HEATR4: variants seen among roughly 807,000 people sequenced by gnomAD.
HEATR4 encodes HEAT repeat-containing protein 4.
Under a neutral mutation model 108.8 loss-of-function variants are expected in HEATR4, and 95 were observed. The ratio of observed to expected loss-of-function variants is 0.87; its 90% CI spans 0.74 to 1.04. The LOEUF (loss-of-function observed/expected upper bound fraction) is 1.04, where lower values mean the gene tolerates loss of function less well. Ranked by LOEUF, HEATR4 falls within the 50% of genes least tolerant of loss-of-function variation. The pLI is 0.00. For synonymous variants in HEATR4, 443 were observed against 459.4 expected (o/e 0.96, Z 0.46); for missense variants, 1,152 against 1,253.8 (o/e 0.92, Z 1.23).
At chr14:73,565,178 G>A in the HEATR4 span, among the ~76,000 whole-genome samples, 11 of 152,122 alleles carry the variant, frequency 7.2e-5, no homozygotes, top group Middle Eastern at 3.4e-3. Flanking sequence ...ATTCCTAGAC[G>A]TGGAGCTGAG....
Position 73,478,579 on chromosome 14 carries a change from C to A in HEATR4, c.*27G>T, listed in dbSNP as rs1326831366. 6 of 1,483,280 alleles carry A rather than the reference C, an allele frequency of 4.0e-6. No individual in the cohort carries two copies. The highest frequency in any genetic ancestry group is 5.6e-6 in the Non-Finnish European group (6 of 1,063,806). 91.9% of individuals were successfully genotyped at this position (1,483,280 alleles called of 1,614,324 possible). The stretch of plus-strand genomic sequence containing the variant: ...ATGTGACCAGGTCCACTGCTTCCTG[C>A]ATCTTGAAGTAAGACAAGTGTTCAG... On this transcript the variant is annotated 3_prime_UTR_variant, in exon 18 of 18. Coordinates refer to ENST00000553558, the MANE Select transcript of HEATR4 (RefSeq NM_001220484.1).
the HEATR4 span, among the ~76,000 whole-genome samples, chr14:73,565,660 G>A: frequency 2.0e-5 from 3 of 151,946 alleles, no homozygotes; most frequent in East Asian, 1.9e-4. Flanking sequence ...GCGGACCTTC[G>A]TGGTGAGTGT....
At chr14:73,563,773 G>A (rs1050661173), upstream of HEATR4, among the ~76,000 whole-genome samples, 5 of 151,786 alleles carry the variant, frequency 3.3e-5, no homozygotes, top group Admixed American at 2.0e-4. Context: ...ACCAGTCTGG[G>A]CAACATAGCA....
At chr14:73,560,438 G>A (rs1889507110), upstream of HEATR4, among the ~76,000 whole-genome samples, 1 of 151,906 alleles carries the variant, frequency 6.6e-6, no homozygotes, top group African/African-American at 2.4e-5. Context: ...CAAGTTGGGC[G>A]GATCACGAGG....
the HEATR4 span, among the ~76,000 whole-genome samples, chr14:73,621,771 T>C: frequency 2.8e-5 from 4 of 144,530 alleles, no homozygotes; most frequent in Non-Finnish European, 4.5e-5. Flanking sequence ...CTTTTTTTTT[T>C]TTTTTTTTTT....
At chr14:73,610,717 T>G in the HEATR4 span, among the ~76,000 whole-genome samples, 1 of 152,212 alleles carries the variant, frequency 6.6e-6, no homozygotes, top group Admixed American at 6.5e-5. Context: ...AGGGCAGTTC[T>G]CTGGTTGGCC....
chr14:73,566,656 C>G, the HEATR4 span, among the ~76,000 whole-genome samples: 2 of 152,144 alleles, frequency 1.3e-5, no homozygotes, highest in African/African-American at 4.8e-5. Context: ...CCATGCCCAC[C>G]TGGAACTCCA....
chr14:73,524,681 C>G (rs1036954019), intron 2 of HEATR4, among the ~76,000 whole-genome samples: 8 of 150,340 alleles, frequency 5.3e-5, no homozygotes, highest in Non-Finnish European at 3.0e-5. Context: ...TAGATCACAA[C>G]TCTGGAGCAC....
At position 73,522,534 on chromosome 14, in the gene HEATR4, G is replaced by A. The variant is rs2140297891; in HGVS notation, c.619C>T (p.Leu207=). Residue 207 remains leucine (L), a synonymous_variant, in exon 3 of 18, where the codon CTG becomes TTG. Transcript: ENST00000553558. The part of the protein sequence containing the change: ...KEARAWEATV[L]EKLNERTARW... The stretch of plus-strand genomic sequence containing the variant: ...GCTGTGCGCTCGTTCAGCTTTTCCA[G>A]CACAGTGGCCTCCCACGCTCTGGCC... 1 of 1,614,156 alleles carries A rather than the reference G, an allele frequency of 6.2e-7. No homozygotes were observed. Among genetic ancestry groups the A allele is most frequent in the East Asian group, 2.2e-5 (1 of 44,880 alleles).
chr14:73,569,429 G>A, the HEATR4 span: 3 of 1,613,810 alleles, frequency 1.9e-6, no homozygotes, highest in African/African-American at 2.7e-5. Flanking sequence ...CTGCTCGGAT[G>A]GCGGCGACGC....
chr14:73,518,995 C>G, intron 5 of HEATR4, 28 bp downstream of exon 5: 1 of 1,599,514 alleles, frequency 6.3e-7, no homozygotes, highest in Non-Finnish European at 8.5e-7. Flanking sequence ...TTATTAACCC[C>G]TGCCTTCCCT....
chr14:73,491,387 C>T (rs1885723257), intron 17 of HEATR4: 1 of 1,352,106 alleles, frequency 7.4e-7, no homozygotes. Context: ...GCGCCTGGTG[C>T]CCGCTTCCGC....
chr14:73,628,579 C>A, the HEATR4 span, among the ~76,000 whole-genome samples: 1 of 152,148 alleles, frequency 6.6e-6, no homozygotes, highest in Non-Finnish European at 1.5e-5. Flanking sequence ...CATGGAGAAA[C>A]TCTGTCTCTA....
the HEATR4 span, among the ~76,000 whole-genome samples, chr14:73,632,200 C>G: frequency 1.3e-5 from 2 of 151,836 alleles, no homozygotes; most frequent in Non-Finnish European, 2.9e-5. Flanking sequence ...GTCTTGAACT[C>G]CTGGCCTCAA....
chr14:73,608,178 C>T, the HEATR4 span, among the ~76,000 whole-genome samples: 1 of 152,356 alleles, frequency 6.6e-6, no homozygotes, highest in Admixed American at 6.5e-5. Context: ...CTGCCTTGGC[C>T]TCCCAAAGTG....
chr14:73,575,265 A>T, the HEATR4 span: 1 of 860,772 alleles, frequency 1.2e-6, no homozygotes, highest in East Asian at 2.9e-5. Context: ...TGAGGCCTGT[A>T]AACGCTTGCA....
intron 2 of HEATR4, among the ~76,000 whole-genome samples, chr14:73,527,961 CAA>C (rs34109465): frequency 0.11 from 6,004 of 52,554 alleles, 132 homozygotes; most frequent in African/African-American, 0.14. Context: ...AACTCCATCT[CAA>C]AAAAAAAAAA....
intron 4 of HEATR4, 166 bp downstream of exon 4, chr14:73,520,686 C>T: frequency 3.2e-6 from 2 of 627,382 alleles, no homozygotes; most frequent in South Asian, 2.1e-5. Flanking sequence ...TTATCACTCC[C>T]CGACCCAACT....
chr14:73,509,812 A>ATG (rs1887097695), intron 7 of HEATR4, among the ~76,000 whole-genome samples: 1 of 592 alleles, frequency 1.7e-3, no homozygotes, highest in Non-Finnish European at 2.7e-3. Context: ...CCATGAGCCC[A>ATG]TATATATATA....
Sources: allele counts gnomAD v4.1 joint callset (sites outside exome capture counted in the v4.1 genomes callset), GRCh38; gene constraint gnomAD v4.1.1; transcripts MANE v1.5; gene names NCBI Gene and HGNC (gene_info 2026-07-23, HGNC 2026-07-21).